PCDHGA4: variants seen among roughly 807,000 people sequenced by gnomAD.
PCDHGA4 encodes the protein protocadherin gamma subfamily A, 4, also known as protocadherin gamma-A4.
A neutral mutation model predicts 54.6 loss-of-function variants in PCDHGA4; 38 were observed. The observed-to-expected ratio is 0.70, with a 90% CI of 0.54 to 0.91. PCDHGA4 has a LOEUF of 0.91. Among genes scored for constraint, PCDHGA4 ranks in the 40% least tolerant of loss-of-function variants. The pLI is 0.00. For missense variants in PCDHGA4, 1,298 were observed against 1,220.9 expected (o/e 1.06, Z -0.94); for synonymous variants, 511 against 512.9 (o/e 1.00, Z 0.05).
chr5:141,487,718 A>G lies in PCDHGA4; in HGVS notation c.2515-7089A>G. Reference sequence around the variant, plus strand: ...TACTGGCCTCTCAGTAAGTGCCCATAGTGATGTCACCATTTTTGTAAGAGG... The same window carrying G: ...TACTGGCCTCTCAGTAAGTGCCCATGGTGATGTCACCATTTTTGTAAGAGG... On this transcript the variant is annotated intron_variant, in intron 1 of 3. Coordinates refer to ENST00000571252, the MANE Select transcript of PCDHGA4 (RefSeq NM_018917.4). The surrounding 1 kb of genome is among the most constrained non-coding windows in gnomAD (Gnocchi z 5.0). The G allele has an allele frequency of 1.3e-6, 2 of 1,580,268 alleles. No individual in the cohort carries two copies. The highest frequency in any genetic ancestry group is 1.7e-6 in the Non-Finnish European group (2 of 1,161,186).
At chr5:141,475,803 G>T in intron 1 of PCDHGA4, 1 of 319,920 alleles carries the variant, frequency 3.1e-6, no homozygotes, top group Non-Finnish European at 5.7e-6. Flanking sequence ...GAAGCCAAAG[G>T]AAAGTGAAGT....
intron 1 of PCDHGA4, among the ~76,000 whole-genome samples, chr5:141,402,587 T>C (rs2094282900): frequency 1.3e-5 from 2 of 152,228 alleles, no homozygotes; most frequent in Non-Finnish European, 2.9e-5. Flanking sequence ...ATCTAAAAAA[T>C]AGATTGCTTT....
Position 141,477,919 on chromosome 5 carries a change from G to A in PCDHGA4, c.2515-16888G>A. 2.5e-6 allele frequency: 4 copies of A among 1,614,162 alleles called. No individual in the cohort carries two copies. The highest frequency in any genetic ancestry group is 8.5e-7 in the Non-Finnish European group (1 of 1,180,026). The stretch of plus-strand genomic sequence containing the variant: ...TGGTAGGCTGGGACGCGGATGCAGG[G>A]CACAATGCCTGGCTCTCCTACAGTC... On this transcript the variant is annotated intron_variant, in intron 1 of 3. Transcript: ENST00000571252. The surrounding 1 kb of genome is among the most constrained non-coding windows in gnomAD (Gnocchi z 4.9).
chr5:141,465,574 C>T (rs1477852984), intron 1 of PCDHGA4, among the ~76,000 whole-genome samples: 2 of 152,160 alleles, frequency 1.3e-5, no homozygotes, highest in Admixed American at 1.3e-4. Context: ...TTTCTCAAAA[C>T]ACTCTCATAA....
intron 1 of PCDHGA4, among the ~76,000 whole-genome samples, chr5:141,368,980 A>G (rs907841049): frequency 4.6e-5 from 7 of 152,190 alleles, no homozygotes; most frequent in Non-Finnish European, 7.3e-5. Context: ...CTTTTCCACT[A>G]TAAGGTGAAT....
intron 1 of PCDHGA4, chr5:141,383,896 G>A: frequency 6.2e-7 from 1 of 1,613,960 alleles, no homozygotes; most frequent in Non-Finnish European, 8.5e-7. Flanking sequence ...AAAGGCAAAA[G>A]TACTGATCAC....
At chr5:141,505,935 C>T (rs2099849264) in intron 3 of PCDHGA4, among the ~76,000 whole-genome samples, 1 of 152,146 alleles carries the variant, frequency 6.6e-6, no homozygotes, top group African/African-American at 2.4e-5. Flanking sequence ...CGCTTGGAAG[C>T]CCTCAAGCAA....
chr5:141,420,336 T>C, intron 1 of PCDHGA4: 1 of 1,399,186 alleles, frequency 7.1e-7, no homozygotes, highest in East Asian at 2.5e-5. Flanking sequence ...TATTCCAATA[T>C]AGTGGTATTA....
intron 1 of PCDHGA4, among the ~76,000 whole-genome samples, chr5:141,437,922 G>A (rs1039507511): frequency 1.3e-5 from 2 of 152,106 alleles, no homozygotes; most frequent in Admixed American, 6.5e-5. Context: ...ATTTTTAGTA[G>A]AGATGGGGTT....
intron 1 of PCDHGA4, chr5:141,424,098 C>T: frequency 8.3e-6 from 7 of 846,340 alleles, no homozygotes; most frequent in Non-Finnish European, 1.0e-5. Flanking sequence ...TTTGCTATTA[C>T]TGCTAATGTT....
intron 1 of PCDHGA4, chr5:141,404,606 G>T: frequency 6.2e-7 from 1 of 1,614,106 alleles, no homozygotes; most frequent in Non-Finnish European, 8.5e-7. Flanking sequence ...GAGACTGTTT[G>T]TTTTGGACCA....
At chr5:141,369,451 A>G (rs1235926631) in intron 1 of PCDHGA4, among the ~76,000 whole-genome samples, 3 of 152,150 alleles carry the variant, frequency 2.0e-5, no homozygotes, top group African/African-American at 7.2e-5. Context: ...AGGATTGCTT[A>G]AAGCCAGGTG....
intron 1 of PCDHGA4, among the ~76,000 whole-genome samples, chr5:141,448,573 AT>A (rs976781630): frequency 1.3e-5 from 2 of 151,652 alleles, no homozygotes; most frequent in East Asian, 1.9e-4. Flanking sequence ...TTATTTCCCC[AT>A]TTTTTTTACA....
intron 1 of PCDHGA4, chr5:141,364,212 A>G (rs925277605): frequency 8.0e-7 from 1 of 1,252,414 alleles, no homozygotes; most frequent in African/African-American, 1.5e-5. Context: ...ACAAGCTCCT[A>G]CGAAAAGCCA....
At chr5:141,421,156 C>T in intron 1 of PCDHGA4, 1 of 1,197,694 alleles carries the variant, frequency 8.3e-7, no homozygotes, top group Non-Finnish European at 1.1e-6. Flanking sequence ...CGGCCTAGGA[C>T]TTCATAGATA....
At chr5:141,375,754 C>A (rs764343077) in intron 1 of PCDHGA4, 1 of 1,614,244 alleles carries the variant, frequency 6.2e-7, no homozygotes, top group East Asian at 2.2e-5. Flanking sequence ...ACCAGAATGA[C>A]AATGCGCCCG....
At chr5:141,357,773 T>C in intron 1 of PCDHGA4, 152 bp downstream of exon 1, 1 of 917,442 alleles carries the variant, frequency 1.1e-6, no homozygotes, top group Non-Finnish European at 1.6e-6. Context: ...CTTCCAATAA[T>C]GATCAACAGT....
chr5:141,497,237 T>C (rs933112169), intron 2 of PCDHGA4, among the ~76,000 whole-genome samples: 3 of 152,038 alleles, frequency 2.0e-5, no homozygotes, highest in Non-Finnish European at 4.4e-5. Context: ...AGAAGGCTTC[T>C]AGGAGGAGGT....
intron 1 of PCDHGA4, chr5:141,373,780 T>A (rs1403034903): frequency 7.2e-6 from 2 of 277,114 alleles, no homozygotes; most frequent in Non-Finnish European, 1.3e-5. Flanking sequence ...CTCTGCAGAT[T>A]TAGCAGAAAT....
Sources: allele counts gnomAD v4.1 joint callset (sites outside exome capture counted in the v4.1 genomes callset), GRCh38; gene constraint gnomAD v4.1.1; non-coding constraint Gnocchi (gnomAD v3.1); transcripts MANE v1.5; gene names NCBI Gene and HGNC (gene_info 2026-07-23, HGNC 2026-07-21).